TRERF1: variants seen among roughly 807,000 people sequenced by gnomAD.
TRERF1 encodes the protein transcriptional-regulating factor 1.
A neutral mutation model predicts 122.9 loss-of-function variants in TRERF1; 27 were observed. The observed-to-expected ratio is 0.22, with a 90% CI of 0.16 to 0.30. TRERF1 has a LOEUF of 0.30. Among genes scored for constraint, TRERF1 ranks in the 10% least tolerant of loss-of-function variants. The probability of loss-of-function intolerance (pLI) is 1.00; values close to 1 mark genes in which losing one functional copy is unlikely to be tolerated. For missense variants in TRERF1, 1,248 were observed against 1,560.3 expected (o/e 0.80, Z 3.37); for synonymous variants, 636 against 641.7 (o/e 0.99, Z 0.13).
At position 42,232,339 on chromosome 6, in the gene TRERF1, C is replaced by T. The variant is rs1317064832; in HGVS notation, c.3278+342G>A. On this transcript the variant is annotated intron_variant, in intron 17 of 17. Coordinates refer to ENST00000372922, the Ensembl canonical transcript of TRERF1. This position sits in a 1 kb window ranked among gnomAD's most constrained non-coding sequence, Gnocchi z 4.5. ...GTAGAGCCATTCTCAAATCATTCAGCGGGGATCCAAACAGAGTAATGCTAG... is the reference window on the plus strand; with the variant it reads ...GTAGAGCCATTCTCAAATCATTCAGTGGGGATCCAAACAGAGTAATGCTAG... Among the ~76,000 whole-genome samples the T allele has an allele frequency of 3.3e-5, 5 of 152,130 alleles. No homozygotes were observed. Among genetic ancestry groups the T allele is most frequent in the Admixed American group, 6.5e-5 (1 of 15,276 alleles).
intron 4 of TRERF1, among the ~76,000 whole-genome samples, chr6:42,294,179 A>AG (rs1784722328): frequency 3.1e-5 from 3 of 95,260 alleles, no homozygotes; most frequent in African/African-American, 4.7e-5. Context: ...GCTATAATGT[A>AG]ATTTTTTTTT....
At chr6:42,418,382 A>T (rs1782232606) in intron 2 of TRERF1, among the ~76,000 whole-genome samples, 1 of 144,160 alleles carries the variant, frequency 6.9e-6, no homozygotes, top group East Asian at 2.0e-4. Context: ...CAATTCTCCT[A>T]CCTCAGCCTC....
At chr6:42,374,789 C>A (rs150226633) in intron 2 of TRERF1, among the ~76,000 whole-genome samples, 1 of 152,000 alleles carries the variant, frequency 6.6e-6, no homozygotes, top group African/African-American at 2.4e-5. Flanking sequence ...GGGTGGATTG[C>A]CTGAGCTAAG....
intron 2 of TRERF1, among the ~76,000 whole-genome samples, chr6:42,406,047 C>T (rs1485307085): frequency 6.6e-6 from 1 of 152,162 alleles, no homozygotes; most frequent in Non-Finnish European, 1.5e-5. Flanking sequence ...TGGAAAGTTC[C>T]AAGCACTTTC....
intron 2 of TRERF1, among the ~76,000 whole-genome samples, chr6:42,401,293 C>T (rs372461252): frequency 6.6e-6 from 1 of 152,178 alleles, no homozygotes; most frequent in Admixed American, 6.5e-5. Context: ...CAACACCCTT[C>T]TTTTCACCAA....
chr6:42,372,010 C>T (rs1015221182), intron 2 of TRERF1, among the ~76,000 whole-genome samples: 1 of 151,918 alleles, frequency 6.6e-6, no homozygotes, highest in Non-Finnish European at 1.5e-5. Context: ...GGTGAAACCC[C>T]GTCTCTACTA....
At chr6:42,398,153 CT>C (rs1434338459) in intron 2 of TRERF1, among the ~76,000 whole-genome samples, 1 of 152,228 alleles carries the variant, frequency 6.6e-6, no homozygotes, top group Non-Finnish European at 1.5e-5. Flanking sequence ...CACTTGCTAG[CT>C]GTGTGCCCCT....
At chr6:42,436,508 CT>C (rs1330887267) in intron 2 of TRERF1, among the ~76,000 whole-genome samples, 9 of 152,040 alleles carry the variant, frequency 5.9e-5, no homozygotes, top group African/African-American at 1.9e-4. Flanking sequence ...TAAGAACTTA[CT>C]ATCTGCTAGG....
intron 14 of TRERF1, among the ~76,000 whole-genome samples, chr6:42,245,198 G>A (rs1367109363): frequency 1.3e-5 from 2 of 152,284 alleles, no homozygotes; most frequent in Non-Finnish European, 2.9e-5. Context: ...TGCCAGGCCA[G>A]TCCTGGAGGG....
At chr6:42,407,010 A>G (rs1421236428) in intron 2 of TRERF1, among the ~76,000 whole-genome samples, 1 of 152,236 alleles carries the variant, frequency 6.6e-6, no homozygotes, top group African/African-American at 2.4e-5. Flanking sequence ...TTCAACATGA[A>G]GAAACAGGGG....
chr6:42,232,677 C>G lies in TRERF1; in HGVS notation c.3278+4G>C. The G allele has an allele frequency of 6.3e-7, 1 of 1,589,550 alleles. No homozygotes were observed. The stretch of plus-strand genomic sequence containing the variant: ...AGATTCAGTCCCCGGTCCCCTGCAC[C>G]TACTTGCCACACTCCTTGCAGGGGA... On this transcript the variant is annotated splice_donor_region_variant and intron_variant, in intron 17 of 17. Transcript: ENST00000372922. This position sits in a 1 kb window ranked among gnomAD's most constrained non-coding sequence, Gnocchi z 4.5.
In TRERF1 at chr6:42,269,136, T is replaced by C. The variant is rs779342523; in HGVS notation, c.455A>G (p.Asn152Ser). Residue 152 changes from asparagine to serine, a missense_variant, in exon 5 of 18, where the codon AAC (asparagine) becomes AGC (serine). This residue lies in a region of TRERF1 where 946 missense variants were observed against 1,073.0 expected (regional missense o/e 0.88). Transcript: ENST00000372922. The surrounding 1 kb of genome is among the most constrained non-coding windows in gnomAD (Gnocchi z 4.9). ...GTTGACCTGAATTCGCAGGTTTTGG[T>C]TGGCAAACACCTGGGTGAAAGAGTC... is the stretch of plus-strand genomic sequence containing the variant. 13 of 1,614,082 alleles carry C rather than the reference T, an allele frequency of 8.1e-6. No homozygotes were observed. The highest frequency in any genetic ancestry group is 6.7e-5 in the Admixed American group (4 of 60,004).
In TRERF1 at chr6:42,265,847, G is replaced by C. The variant is rs751080221; in HGVS notation, c.1438-50C>G. On this transcript the variant is annotated intron_variant, in intron 5 of 17. Transcript: ENST00000372922. The stretch of plus-strand genomic sequence containing the variant: ...CGAAAAAAAGAAGAGAAAAAAACGT[G>C]TTCTGAAGGGAGAAGTCCTCGAGCA... The C allele has an allele frequency of 1.9e-6, 3 of 1,591,004 alleles. 1 individual carries two copies. In the Admixed American group the frequency reaches 5.1e-5, roughly 27 times the overall value.
intron 2 of TRERF1, among the ~76,000 whole-genome samples, chr6:42,378,252 C>T (rs1436943975): frequency 1.3e-5 from 2 of 151,956 alleles, no homozygotes; most frequent in African/African-American, 4.8e-5. Context: ...TAAGGCCTCC[C>T]CAAAACAGCC....
At chr6:42,305,778 G>A (rs908263126) in intron 3 of TRERF1, among the ~76,000 whole-genome samples, 1 of 151,928 alleles carries the variant, frequency 6.6e-6, no homozygotes, top group African/African-American at 2.4e-5. Context: ...TGGAGAGGAG[G>A]GAGGAATTAA....
exon 4 of TRERF1, chr6:42,300,746 G>C (rs1353129806): frequency 1.3e-5 from 2 of 152,644 alleles, no homozygotes; most frequent in Non-Finnish European, 2.9e-5. Flanking sequence ...GAGGAGGCCT[G>C]GTCCTGTGGG....
In TRERF1 at chr6:42,391,202, C is replaced by T. The variant is rs1013547587; in HGVS notation, c.-453-28123G>A. On this transcript the variant is annotated intron_variant, in intron 2 of 17. Transcript: ENST00000372922. ...GAGATCTTCTCAAACGAACATGGAG[C>T]AGGTGCTCAATAAATGTTGGCTCAG... Among the ~76,000 whole-genome samples, 9 of 152,330 alleles carry T rather than the reference C, an allele frequency of 5.9e-5. No homozygotes were observed. In the South Asian group the frequency reaches 1.9e-3, roughly 32 times the overall value.
chr6:42,360,122 T>C (rs1201052888), intron 3 of TRERF1, among the ~76,000 whole-genome samples: 2 of 152,246 alleles, frequency 1.3e-5, no homozygotes, highest in African/African-American at 4.8e-5. Flanking sequence ...TATTTGGCAA[T>C]ATATGACACT....
rs181970041 is a variant in TRERF1, at chr6:42,343,500, G to A, written c.-371+19497C>T. On this transcript the variant is annotated intron_variant, in intron 3 of 17. Coordinates refer to ENST00000372922, the Ensembl canonical transcript of TRERF1. ...CTACACAAAAGGTATACCTGGTGTC[G>A]CGCTGCTCTATGAGGTTGTAGGGGG... is the stretch of plus-strand genomic sequence containing the variant. 3.3e-5 allele frequency among the ~76,000 whole-genome samples: 5 copies of A among 152,260 alleles called. No individual in the cohort carries two copies. The East Asian group carries it at 5.8e-4, about 18-fold the overall frequency.
Sources: allele counts gnomAD v4.1 joint callset (sites outside exome capture counted in the v4.1 genomes callset), GRCh38; gene constraint gnomAD v4.1.1; regional missense constraint gnomAD v4.1.1; non-coding constraint Gnocchi (gnomAD v3.1); transcripts MANE v1.5; gene names NCBI Gene and HGNC (gene_info 2026-07-23, HGNC 2026-07-21).